The following IGSF10 variants were observed in gnomAD, a reference collection of about 807,000 sequenced individuals.
The protein encoded by IGSF10 is immunoglobulin superfamily member 10.
IGSF10 carries 126 observed loss-of-function variants against 128.2 expected under a neutral mutation model. The observed-to-expected ratio is 0.98, with a 90% CI of 0.85 to 1.14. IGSF10 has a LOEUF of 1.14. Among genes scored for constraint, IGSF10 ranks in the 50% most tolerant of loss-of-function variants. The pLI, the probability that IGSF10 is intolerant of heterozygous loss-of-function variation, is 0.00. For missense variants in IGSF10, 3,295 were observed against 3,149.8 expected, an observed-to-expected ratio of 1.05 and a Z score of -1.10; for synonymous variants, 1,185 against 1,146.2, an observed-to-expected ratio of 1.03 and a Z score of -0.68.
At chr3:151,594,081 T>C in the IGSF10 span, among the ~76,000 whole-genome samples, 3 of 152,180 alleles carry the variant, frequency 2.0e-5, no homozygotes, top group East Asian at 5.8e-4. Flanking sequence ...GTTTCAGCTC[T>C]TTCCAGTAGT....
chr3:151,541,459 A>G, the IGSF10 span, among the ~76,000 whole-genome samples: 1 of 152,190 alleles, frequency 6.6e-6, no homozygotes, highest in African/African-American at 2.4e-5. Context: ...CCATAAATTC[A>G]GTTTTCTTAT....
chr3:151,577,234 T>A, the IGSF10 span, among the ~76,000 whole-genome samples: 1 of 152,180 alleles, frequency 6.6e-6, no homozygotes, highest in Non-Finnish European at 1.5e-5. Flanking sequence ...TTGAGCATAG[T>A]CTTATAATCT....
chr3:151,595,774 G>A, the IGSF10 span, among the ~76,000 whole-genome samples: 1 of 150,316 alleles, frequency 6.7e-6, no homozygotes. Context: ...ATAGAAAGGT[G>A]GTTACTAGGG....
the IGSF10 span, among the ~76,000 whole-genome samples, chr3:151,618,707 G>T: frequency 6.8e-6 from 1 of 147,452 alleles, no homozygotes; most frequent in Non-Finnish European, 1.5e-5. Context: ...TCCAGCCCGG[G>T]CAACAGAGTG....
chr3:151,498,844 T>G, the IGSF10 span, among the ~76,000 whole-genome samples: 3 of 152,260 alleles, frequency 2.0e-5, no homozygotes, highest in African/African-American at 7.2e-5. Flanking sequence ...CTACTTACAC[T>G]TGAGCATACT....
the IGSF10 span, among the ~76,000 whole-genome samples, chr3:151,562,592 CACCTCA>C: frequency 6.6e-6 from 1 of 152,042 alleles, no homozygotes; most frequent in African/African-American, 2.4e-5. Flanking sequence ...CTGGTCAAAC[CACCTCA>C]TTTTAAGGAA....
chr3:151,610,755 G>C, the IGSF10 span, among the ~76,000 whole-genome samples: 1 of 152,158 alleles, frequency 6.6e-6, no homozygotes, highest in South Asian at 2.1e-4. Flanking sequence ...ACCAGCATCT[G>C]CTGAGGGTCA....
At chr3:151,553,439 T>C in the IGSF10 span, among the ~76,000 whole-genome samples, 1 of 152,052 alleles carries the variant, frequency 6.6e-6, no homozygotes, top group African/African-American at 2.4e-5. Flanking sequence ...CAATAAAAGT[T>C]CTTAAAGCAA....
the IGSF10 span, among the ~76,000 whole-genome samples, chr3:151,488,750 T>G: frequency 6.6e-6 from 1 of 152,076 alleles, no homozygotes; most frequent in Admixed American, 6.6e-5. Context: ...ATAAAGGATG[T>G]TGGGAAAACT....
intron 7 of IGSF10, among the ~76,000 whole-genome samples, chr3:151,439,683 C>T (rs1406419105): frequency 6.6e-6 from 1 of 152,146 alleles, no homozygotes; most frequent in Non-Finnish European, 1.5e-5. Context: ...CAGCATCTGC[C>T]CTCTATGGGC....
the IGSF10 span, among the ~76,000 whole-genome samples, chr3:151,563,412 C>T: frequency 6.6e-6 from 1 of 152,108 alleles, no homozygotes; most frequent in Non-Finnish European, 1.5e-5. Flanking sequence ...TCAGGAAATC[C>T]TGAATCTAAT....
chr3:151,512,892 C>T, the IGSF10 span, among the ~76,000 whole-genome samples: 1 of 152,148 alleles, frequency 6.6e-6, no homozygotes, highest in South Asian at 2.1e-4. Flanking sequence ...TCGACACATA[C>T]ACCCTCCCAA....
At chr3:151,595,642 A>C in the IGSF10 span, among the ~76,000 whole-genome samples, 2 of 150,916 alleles carry the variant, frequency 1.3e-5, no homozygotes, top group African/African-American at 4.9e-5. Flanking sequence ...AACATGAATG[A>C]ACATGGAGGA....
chr3:151,471,310 G>A, the IGSF10 span, among the ~76,000 whole-genome samples: 1 of 152,174 alleles, frequency 6.6e-6, no homozygotes, highest in African/African-American at 2.4e-5. Context: ...TTTATTAGCA[G>A]TGAGAACAGA....
chr3:151,594,885 CA>C, the IGSF10 span, among the ~76,000 whole-genome samples: 1 of 151,618 alleles, frequency 6.6e-6, no homozygotes, highest in Non-Finnish European at 1.5e-5. Flanking sequence ...CATATACCCC[CA>C]AAAGATGTAC....
chr3:151,526,051 G>A, the IGSF10 span, among the ~76,000 whole-genome samples: 1,267 of 152,202 alleles, frequency 8.3e-3, 17 homozygotes, highest in African/African-American at 0.029. Context: ...TTGCTCCAAG[G>A]CCCCTCATCA....
chr3:151,435,771 A>G (rs1335386875), downstream of IGSF10: 1 of 152,216 alleles, frequency 6.6e-6, no homozygotes, highest in African/African-American at 2.4e-5. Flanking sequence ...TCAGTGAATT[A>G]CAAAAACACA....
the IGSF10 span, among the ~76,000 whole-genome samples, chr3:151,514,338 T>G: frequency 1.3e-5 from 2 of 152,170 alleles, no homozygotes; most frequent in African/African-American, 4.8e-5. Flanking sequence ...TATTTGATCT[T>G]TGACAAACCT....
chr3:151,557,308 C>T, the IGSF10 span, among the ~76,000 whole-genome samples: 2 of 152,036 alleles, frequency 1.3e-5, no homozygotes, highest in Non-Finnish European at 2.9e-5. Context: ...GGTGAATGGG[C>T]CTGAAGAACA....
Sources: allele counts gnomAD v4.1 joint callset (sites outside exome capture counted in the v4.1 genomes callset), GRCh38; gene constraint gnomAD v4.1.1; transcripts MANE v1.5; gene names NCBI Gene and HGNC (gene_info 2026-07-23, HGNC 2026-07-21).